JAKMIP1: variants seen among roughly 807,000 people sequenced by gnomAD.
The protein encoded by JAKMIP1 is janus kinase and microtubule interacting protein 1, also known as janus kinase and microtubule-interacting protein 1.
Under a neutral mutation model 113.0 loss-of-function variants are expected in JAKMIP1, and 33 were observed. The observed-to-expected ratio is 0.29, with a 90% CI of 0.22 to 0.39. The LOEUF (loss-of-function observed/expected upper bound fraction) is 0.39, where lower values mean the gene tolerates loss of function less well. JAKMIP1 is among the 10% of genes least tolerant of loss of function. JAKMIP1 has a pLI of 1.00. For synonymous variants in JAKMIP1, 480 were observed against 459.9 expected (o/e 1.04, Z -0.56); for missense variants, 813 against 1,080.5 (o/e 0.75, Z 3.47).
rs993705062 is a variant in JAKMIP1 at position 6,093,919 on chromosome 4, C to A, written c.625-8290G>T. Among the ~76,000 whole-genome samples the A allele has an allele frequency of 6.6e-6, 1 of 152,086 alleles. No homozygotes were observed. The highest frequency in any genetic ancestry group is 2.4e-5 in the African/African-American group (1 of 41,410). On this transcript the variant is annotated intron_variant, in intron 3 of 20. Coordinates refer to ENST00000409021, the MANE Select transcript of JAKMIP1 (RefSeq NM_001099433.2). This position sits in a 1 kb window ranked among gnomAD's most constrained non-coding sequence, Gnocchi z 4.6. ...AGAGTCCCACCTGCCCAGGAGGCTGCAAGTTCCCTCTTTTCTGCCACCCTG... is the reference window on the plus strand; with the variant it reads ...AGAGTCCCACCTGCCCAGGAGGCTGAAAGTTCCCTCTTTTCTGCCACCCTG...
At position 6,067,704 on chromosome 4, in the gene JAKMIP1, A is replaced by T. The variant is rs1156778861; in HGVS notation, c.1303-2696T>A. 6.7e-6 allele frequency among the ~76,000 whole-genome samples: 1 copy of T among 150,226 alleles called. No homozygotes were observed. Among genetic ancestry groups the T allele is most frequent in the Middle Eastern group, 3.2e-3 (1 of 312 alleles). On this transcript the variant is annotated intron_variant, in intron 8 of 20. Transcript: ENST00000409021. The surrounding 1 kb of genome is among the most constrained non-coding windows in gnomAD (Gnocchi z 4.6). ...TTCACTCAAGCTCTTCTGCACACAC[A>T]GGTCACCCCCCTGAGCTCCACGTTC... is the stretch of plus-strand genomic sequence containing the variant.
rs1718255496 is a variant in JAKMIP1, at chr4:6,067,411, T to C, written c.1303-2403A>G. On this transcript the variant is annotated intron_variant, in intron 8 of 20. Coordinates refer to ENST00000409021, the MANE Select transcript of JAKMIP1 (RefSeq NM_001099433.2). This position sits in a 1 kb window ranked among gnomAD's most constrained non-coding sequence, Gnocchi z 4.6. The stretch of plus-strand genomic sequence containing the variant: ...ACTATGGGCACCATCAACTTCAATG[T>C]CATTTCTCTCCTTGCAGAGGCTGGA... Among the ~76,000 whole-genome samples, 1 of 152,186 alleles carries C rather than the reference T, an allele frequency of 6.6e-6. No individual in the cohort carries two copies. The highest frequency in any genetic ancestry group is 2.4e-5 in the African/African-American group (1 of 41,436).
At position 6,084,966 on chromosome 4, in the gene JAKMIP1, C is replaced by T; in HGVS notation, c.835-1G>A. The T allele has an allele frequency of 5.3e-6, 1 of 187,344 alleles. No individual in the cohort carries two copies. Among genetic ancestry groups the T allele is most frequent in the Non-Finnish European group, 8.3e-6 (1 of 120,520 alleles). 11.6% of individuals were successfully genotyped at this position (187,344 alleles called of 1,614,324 possible). A position where few individuals can be genotyped will look rare whatever the true frequency, so the allele number is the denominator to read the frequency against. On this transcript the variant is annotated splice_acceptor_variant, in intron 4 of 20. Transcript: ENST00000409021. LOFTEE classifies it high-confidence loss of function. ...CATCTCGCTCGTCCATATGTTGATC[C>T]TAAAAAAAAAAAAAAAAAAAAAAAA... is the stretch of plus-strand genomic sequence containing the variant.
intron 9 of JAKMIP1, among the ~76,000 whole-genome samples, chr4:6,063,239 C>T (rs1717566848): frequency 6.6e-6 from 1 of 152,212 alleles, no homozygotes; most frequent in African/African-American, 2.4e-5. Flanking sequence ...AGCATAAATC[C>T]CTCATCAGTG....
At chr4:6,122,179 T>C (rs1716808747) in intron 1 of JAKMIP1, among the ~76,000 whole-genome samples, 1 of 152,076 alleles carries the variant, frequency 6.6e-6, no homozygotes, top group Non-Finnish European at 1.5e-5. Context: ...ACCCCGTCTC[T>C]ACTAAAAGTA....
intron 20 of JAKMIP1, 39 bp from the exon 21 acceptor site, chr4:6,026,317 G>T (rs1184881849): frequency 4.8e-6 from 5 of 1,033,032 alleles, no homozygotes. Context: ...GAAAAGAGAA[G>T]AAAAAGAAAA....
At chr4:6,075,006 C>A (rs1272708598) in intron 8 of JAKMIP1, among the ~76,000 whole-genome samples, 1 of 152,192 alleles carries the variant, frequency 6.6e-6, no homozygotes, top group Non-Finnish European at 1.5e-5. Context: ...TGACGCATTT[C>A]TCAGAATGTG....
Position 6,112,968 on chromosome 4 carries a change from C to A in JAKMIP1, c.-118G>T. On this transcript the variant is annotated 5_prime_UTR_variant, in exon 2 of 21. Transcript: ENST00000409021. ...ACCAGTCGCGCAGGACTCAGCTCGC[C>A]CTCCGAGGAAACCACCATCACTTGG... is the stretch of plus-strand genomic sequence containing the variant. 7.2e-7 allele frequency: 1 copy of A among 1,386,134 alleles called. No individual in the cohort carries two copies. The highest frequency in any genetic ancestry group is 9.5e-7 in the Non-Finnish European group (1 of 1,051,230). The allele number at this position is 1,386,134 out of a possible 1,614,324, so 85.9% of individuals were successfully genotyped here.
At chr4:6,032,696 A>T (rs202013474) in intron 19 of JAKMIP1, among the ~76,000 whole-genome samples, 3 of 136,560 alleles carry the variant, frequency 2.2e-5, no homozygotes, top group Admixed American at 7.5e-5. Flanking sequence ...ACAAAACAAA[A>T]CAAAGCAAAA....
chr4:6,104,346 A>AT (rs56219957), intron 3 of JAKMIP1, among the ~76,000 whole-genome samples: 12,839 of 152,070 alleles, frequency 0.084, 759 homozygotes, highest in African/African-American at 0.17. Context: ...AGTGTTGATA[A>AT]TTTTTTTCTT....
In JAKMIP1 at chr4:6,179,817, C is replaced by A. The variant is rs996666404; in HGVS notation, c.-148+20436G>T. ...CTTGTAAAACAGGTAGCAATATTAT[C>A]CCCATATGACAGATAAGGAAACTGA... On this transcript the variant is annotated intron_variant, in intron 1 of 20. Transcript: ENST00000409021. The surrounding 1 kb of genome is among the most constrained non-coding windows in gnomAD (Gnocchi z 4.5). Among the ~76,000 whole-genome samples the A allele has an allele frequency of 6.6e-6, 1 of 152,214 alleles. No homozygotes were observed. Among genetic ancestry groups the A allele is most frequent in the South Asian group, 2.1e-4 (1 of 4,830 alleles).
chr4:6,095,447 C>T (rs1448017489), intron 3 of JAKMIP1, among the ~76,000 whole-genome samples: 1 of 152,144 alleles, frequency 6.6e-6, no homozygotes. Flanking sequence ...TGTCAGGATC[C>T]AGAGGCAGCC....
In JAKMIP1 at chr4:6,185,513, T is replaced by A. The variant is rs1250082161; in HGVS notation, c.-148+14740A>T. On this transcript the variant is annotated intron_variant, in intron 1 of 20. Transcript: ENST00000409021. The surrounding 1 kb of genome is among the most constrained non-coding windows in gnomAD (Gnocchi z 5.3). ...AATACAAAAAATTAGCCGGGCGTGG[T>A]GGCAGACGCCTGTAGTCCCAGCTAC... is the stretch of plus-strand genomic sequence containing the variant. 6.6e-6 allele frequency among the ~76,000 whole-genome samples: 1 copy of A among 152,188 alleles called. No individual in the cohort carries two copies. The highest frequency in any genetic ancestry group is 1.5e-5 in the Non-Finnish European group (1 of 68,030).
At chr4:6,111,110 C>A (rs1714861996) in intron 2 of JAKMIP1, among the ~76,000 whole-genome samples, 1 of 152,034 alleles carries the variant, frequency 6.6e-6, no homozygotes, top group Admixed American at 6.5e-5. Flanking sequence ...GTGTGGCCAT[C>A]CTGAGCTGGG....
intron 11 of JAKMIP1, 23 bp downstream of exon 11, chr4:6,060,401 G>A: frequency 6.3e-7 from 1 of 1,578,878 alleles, no homozygotes. Flanking sequence ...AAGATTCACA[G>A]AGCACAGATC....
In JAKMIP1 at chr4:6,180,981, C is replaced by G. The variant is rs544461341; in HGVS notation, c.-148+19272G>C. Reference sequence around the variant, plus strand: ...AAGAAGTCCCAGAAAAGGCCCCAGCCATCAGGTCGTTTCTGTCTCACCTCT... The same window carrying G: ...AAGAAGTCCCAGAAAAGGCCCCAGCGATCAGGTCGTTTCTGTCTCACCTCT... On this transcript the variant is annotated intron_variant, in intron 1 of 20. Coordinates refer to ENST00000409021, the MANE Select transcript of JAKMIP1 (RefSeq NM_001099433.2). This position sits in a 1 kb window ranked among gnomAD's most constrained non-coding sequence, Gnocchi z 4.5. 2.0e-5 allele frequency among the ~76,000 whole-genome samples: 3 copies of G among 152,244 alleles called. No individual in the cohort carries two copies. In the East Asian group the frequency reaches 5.8e-4, roughly 29 times the overall value.
intron 1 of JAKMIP1, among the ~76,000 whole-genome samples, chr4:6,190,990 G>C (rs983670782): frequency 6.6e-6 from 1 of 152,198 alleles, no homozygotes; most frequent in Non-Finnish European, 1.5e-5. Context: ...AGCTGGTGTG[G>C]GGCAGTTCCA....
At chr4:6,145,962 G>T (rs1720792469) in intron 1 of JAKMIP1, among the ~76,000 whole-genome samples, 1 of 152,134 alleles carries the variant, frequency 6.6e-6, no homozygotes, top group African/African-American at 2.4e-5. Flanking sequence ...GAGGTACTGA[G>T]GATGAAGGCT....
At chr4:6,078,296 C>A (rs1344308073) in intron 8 of JAKMIP1, among the ~76,000 whole-genome samples, 1 of 138,796 alleles carries the variant, frequency 7.2e-6, no homozygotes, top group Non-Finnish European at 1.5e-5. Flanking sequence ...GCCTGGACAA[C>A]AGAGTGAGAC....
Sources: gnomAD v4.1 joint callset for allele counts (sites outside exome capture counted in the v4.1 genomes callset) on GRCh38, gnomAD v4.1.1 for gene constraint, Gnocchi (gnomAD v3.1) non-coding constraint, MANE v1.5 for transcripts, NCBI Gene and HGNC (gene_info 2026-07-23, HGNC 2026-07-21) for gene names.